The following SRGAP3 variants were observed in gnomAD, a reference collection of about 807,000 sequenced individuals.
SRGAP3 encodes SLIT-ROBO Rho GTPase activating protein 3.
A neutral mutation model predicts 121.1 loss-of-function variants in SRGAP3; 39 were observed. The ratio of observed to expected loss-of-function variants is 0.32; its 90% CI spans 0.25 to 0.42. SRGAP3 has a LOEUF of 0.42. SRGAP3 is among the 10% of genes least tolerant of loss of function. The probability of loss-of-function intolerance (pLI) is 1.00; values close to 1 mark genes in which losing one functional copy is unlikely to be tolerated. For missense variants in SRGAP3, 1,213 were observed against 1,470.6 expected, an observed-to-expected ratio of 0.82 and a Z score of 2.86; for synonymous variants, 601 against 570.0, an observed-to-expected ratio of 1.05 and a Z score of -0.77.
At chr3:9,183,853 C>T (rs959354051) in intron 1 of SRGAP3, among the ~76,000 whole-genome samples, 4 of 151,904 alleles carry the variant, frequency 2.6e-5, no homozygotes, top group African/African-American at 9.7e-5. Flanking sequence ...CCCCCAGCCC[C>T]GGCCCCTCAG....
At chr3:9,041,737 G>A (rs930845908) in intron 10 of SRGAP3, among the ~76,000 whole-genome samples, 6 of 152,180 alleles carry the variant, frequency 3.9e-5, no homozygotes, top group Non-Finnish European at 8.8e-5. Context: ...CAGAATCTCT[G>A]AAACCAGTGC....
In SRGAP3 at chr3:9,027,945, C is replaced by G. The variant is rs544536133; in HGVS notation, c.1540-950G>C. Among the ~76,000 whole-genome samples the G allele has an allele frequency of 6.4e-4, 98 of 152,314 alleles. 1 individual carries two copies. The highest frequency in any genetic ancestry group is 2.3e-3 in the African/African-American group (94 of 41,574). On this transcript the variant is annotated intron_variant, in intron 12 of 21. Coordinates refer to ENST00000383836, the MANE Select transcript of SRGAP3 (RefSeq NM_014850.4). Reference sequence around the variant, plus strand: ...ATATGTTCTTGGCTCCTCCACACCCCACCTGTGAATTCTTTCCTTGATTGA... The same window carrying G: ...ATATGTTCTTGGCTCCTCCACACCCGACCTGTGAATTCTTTCCTTGATTGA...
chr3:9,228,871 G>A (rs1448028801), intron 1 of SRGAP3, among the ~76,000 whole-genome samples: 4 of 151,784 alleles, frequency 2.6e-5, no homozygotes, highest in Middle Eastern at 6.8e-3. Context: ...GACCATCCTG[G>A]CTAACATGGT....
intron 1 of SRGAP3, among the ~76,000 whole-genome samples, chr3:9,191,767 G>A (rs1225454872): frequency 6.6e-6 from 1 of 152,210 alleles, no homozygotes; most frequent in Non-Finnish European, 1.5e-5. Context: ...CCTGGTAAGA[G>A]GTGACTGGAT....
chr3:9,156,393 A>ACCAGACCCTGTGGCAG lies in SRGAP3; in HGVS notation c.68-31492_68-31477dup, dbSNP rs1388160822. Among the ~76,000 whole-genome samples the ACCAGACCCTGTGGCAG allele has an allele frequency of 2.6e-5, 4 of 152,218 alleles. No individual in the cohort carries two copies. In the East Asian group the frequency reaches 7.7e-4, roughly 29 times the overall value. The stretch of plus-strand genomic sequence containing the variant: ...GGCCCAGCAGAGTTCCCAGTGCAGA[A>ACCAGACCCTGTGGCAG]CCAGACCCTGTGGCAGCTCCGGGCT... On this transcript the variant is annotated intron_variant, in intron 1 of 21. Coordinates refer to ENST00000383836, the MANE Select transcript of SRGAP3 (RefSeq NM_014850.4).
intron 1 of SRGAP3, among the ~76,000 whole-genome samples, chr3:9,140,122 TACAC>T (rs35572227): frequency 9.1e-4 from 127 of 140,110 alleles, no homozygotes; most frequent in South Asian, 5.4e-3. Context: ...CTCAGAGGCA[TACAC>T]ACACACACAC....
At chr3:9,072,473 C>T (rs1946765617) in intron 4 of SRGAP3, among the ~76,000 whole-genome samples, 1 of 152,200 alleles carries the variant, frequency 6.6e-6, no homozygotes, top group African/African-American at 2.4e-5. Flanking sequence ...GGGAAGGTTA[C>T]CTAGAGGGAA....
chr3:9,046,724 G>A (rs1559997779), intron 10 of SRGAP3, among the ~76,000 whole-genome samples: 1 of 152,154 alleles, frequency 6.6e-6, no homozygotes. Context: ...CAGCCTCTGA[G>A]GCCCTGGATT....
At chr3:9,327,978 C>A (rs1040403416) in intron 2 of SRGAP3, among the ~76,000 whole-genome samples, 1 of 152,058 alleles carries the variant, frequency 6.6e-6, no homozygotes, top group South Asian at 2.1e-4. Flanking sequence ...TCCATATATC[C>A]CCAGACCTTA....
intron 4 of SRGAP3, among the ~76,000 whole-genome samples, chr3:9,071,954 C>A (rs1020250407): frequency 7.9e-5 from 12 of 152,168 alleles, no homozygotes; most frequent in African/African-American, 2.7e-4. Flanking sequence ...AGTGTGTGAG[C>A]CCCTGGATCC....
chr3:9,056,156 C>A, intron 8 of SRGAP3, 77 bp downstream of exon 8: 1 of 1,339,482 alleles, frequency 7.5e-7, no homozygotes, highest in Non-Finnish European at 1.1e-6. Context: ...TTATGCACTT[C>A]GTGGCACAAG....
chr3:9,322,104 C>T lies in SRGAP3; in HGVS notation n.442+3906G>A, dbSNP rs186165374. ...GGTTCAAATCTTAGCTACTTACCAGCTATGGAAACTTAGGCTACTCATTTA... is the reference window on the plus strand; with the variant it reads ...GGTTCAAATCTTAGCTACTTACCAGTTATGGAAACTTAGGCTACTCATTTA... On this transcript the variant is annotated intron_variant and non_coding_transcript_variant, in intron 3 of 3. Transcript: ENST00000490889. Among the ~76,000 whole-genome samples the T allele has an allele frequency of 6.6e-5, 10 of 151,786 alleles. 1 individual carries two copies. Among genetic ancestry groups the T allele is most frequent in the Admixed American group, 2.0e-4 (3 of 15,286 alleles).
intron 3 of SRGAP3, among the ~76,000 whole-genome samples, chr3:9,280,700 G>A (rs116487282): frequency 5.9e-3 from 899 of 152,278 alleles, no homozygotes; most frequent in Middle Eastern, 0.014. Flanking sequence ...CTGCAATGCC[G>A]GATATGACAG....
chr3:9,245,200 A>G (rs992517692), intron 1 of SRGAP3, among the ~76,000 whole-genome samples: 10 of 152,214 alleles, frequency 6.6e-5, no homozygotes, highest in African/African-American at 2.4e-4. Context: ...GTCTGGGCCT[A>G]CATTCCTAAA....
At chr3:9,136,222 A>G (rs1949642317) in intron 1 of SRGAP3, among the ~76,000 whole-genome samples, 1 of 152,104 alleles carries the variant, frequency 6.6e-6, no homozygotes, top group Non-Finnish European at 1.5e-5. Context: ...CGCTGCCCGG[A>G]CACGGGCTCC....
chr3:9,321,197 A>G (rs1269362982), intron 3 of SRGAP3, among the ~76,000 whole-genome samples: 1 of 151,898 alleles, frequency 6.6e-6, no homozygotes, highest in East Asian at 1.9e-4. Flanking sequence ...ATCAGCCACC[A>G]GACAAGAGAG....
intron 1 of SRGAP3, among the ~76,000 whole-genome samples, chr3:9,238,003 C>G (rs561174640): frequency 1.3e-5 from 2 of 152,266 alleles, no homozygotes; most frequent in Admixed American, 1.3e-4. Context: ...TGTCTGGAGA[C>G]ATTTTTGATT....
At chr3:9,014,175 A>G in intron 15 of SRGAP3, 2 of 408,514 alleles carry the variant, frequency 4.9e-6, no homozygotes, top group South Asian at 4.6e-5. Flanking sequence ...ATCCCACCTA[A>G]GAGTGAAGCT....
At chr3:9,031,682 G>T (rs1944489997) in intron 12 of SRGAP3, among the ~76,000 whole-genome samples, 1 of 152,168 alleles carries the variant, frequency 6.6e-6, no homozygotes, top group African/African-American at 2.4e-5. Context: ...GCTGGACCCT[G>T]TCTGAGGATC....
Sources: gnomAD v4.1 joint callset for allele counts (sites outside exome capture counted in the v4.1 genomes callset) on GRCh38, gnomAD v4.1.1 for gene constraint, MANE v1.5 for transcripts, NCBI Gene and HGNC (gene_info 2026-07-23, HGNC 2026-07-21) for gene names.